RALGPS1: variants seen among roughly 807,000 people sequenced by gnomAD.
The protein encoded by RALGPS1 is ras-specific guanine nucleotide-releasing factor RalGPS1.
In RALGPS1, 19 loss-of-function variants were observed where a neutral mutation model predicts 78.8. That is an observed-to-expected ratio of 0.24 (90% confidence interval 0.17 to 0.35). The LOEUF (loss-of-function observed/expected upper bound fraction) is 0.35, where lower values mean the gene tolerates loss of function less well. Ranked by LOEUF, RALGPS1 falls within the 10% of genes least tolerant of loss-of-function variation. The pLI, the probability that RALGPS1 is intolerant of heterozygous loss-of-function variation, is 1.00. For synonymous variants in RALGPS1, 228 were observed against 256.3 expected (o/e 0.89, Z 1.06); for missense variants, 454 against 688.3 (o/e 0.66, Z 3.81).
intron 4 of RALGPS1, among the ~76,000 whole-genome samples, chr9:126,997,914 T>C (rs915555596): frequency 6.6e-6 from 1 of 152,166 alleles, no homozygotes; most frequent in Non-Finnish European, 1.5e-5. Flanking sequence ...AAACAAGCAA[T>C]GGGGAAAGGA....
chr9:126,980,594 A>G (rs1156674322), intron 4 of RALGPS1, among the ~76,000 whole-genome samples: 4 of 152,136 alleles, frequency 2.6e-5, no homozygotes, highest in South Asian at 4.1e-4. Context: ...TCTAATTTCT[A>G]ATTTTCTTAT....
At chr9:127,200,147 T>C (rs1217639642) in intron 14 of RALGPS1, among the ~76,000 whole-genome samples, 1 of 152,122 alleles carries the variant, frequency 6.6e-6, no homozygotes, top group African/African-American at 2.4e-5. Context: ...AACACTCATA[T>C]GCATACACGC....
At chr9:127,196,958 ACAGT>A (rs925093420) in intron 13 of RALGPS1, among the ~76,000 whole-genome samples, 18 of 152,252 alleles carry the variant, frequency 1.2e-4, no homozygotes, top group African/African-American at 4.3e-4. Context: ...AGACTGGACC[ACAGT>A]CAGGCTTCTG....
At chr9:126,927,888 T>C (rs1240714410) in intron 1 of RALGPS1, among the ~76,000 whole-genome samples, 3 of 152,050 alleles carry the variant, frequency 2.0e-5, no homozygotes, top group Admixed American at 2.0e-4. Context: ...ACGCGATGCG[T>C]GGGTAGGTAT....
chr9:126,973,277 A>C (rs2040292900), intron 3 of RALGPS1, among the ~76,000 whole-genome samples: 1 of 152,138 alleles, frequency 6.6e-6, no homozygotes, highest in Non-Finnish European at 1.5e-5. Context: ...CTGAGGCAGG[A>C]GGGATCACTT....
chr9:127,168,942 G>T (rs545085745), intron 10 of RALGPS1, among the ~76,000 whole-genome samples, 170 bp downstream of exon 10: 1 of 152,208 alleles, frequency 6.6e-6, no homozygotes, highest in Non-Finnish European at 1.5e-5. Context: ...AAGCACACGC[G>T]TGCAGTGTGA....
At chr9:127,037,825 T>G (rs527591186) in intron 5 of RALGPS1, among the ~76,000 whole-genome samples, 3 of 152,374 alleles carry the variant, frequency 2.0e-5, no homozygotes, top group Non-Finnish European at 4.4e-5. Flanking sequence ...ATCTTGTTTG[T>G]TATGATCTAA....
intron 11 of RALGPS1, among the ~76,000 whole-genome samples, chr9:127,180,637 C>T (rs77970906): frequency 0.049 from 7,448 of 152,278 alleles, 590 homozygotes; most frequent in African/African-American, 0.17. Context: ...GCCTCCCAGG[C>T]GGGCTCTGGT....
At chr9:127,188,825 T>A (rs2140361196) in intron 11 of RALGPS1, among the ~76,000 whole-genome samples, 1 of 42,444 alleles carries the variant, frequency 2.4e-5, no homozygotes, top group Non-Finnish European at 5.0e-5. Context: ...AGAAACCCCA[T>A]CTCTACTAAA....
intron 4 of RALGPS1, among the ~76,000 whole-genome samples, chr9:126,998,353 A>G (rs1241888185): frequency 1.2e-4 from 19 of 152,154 alleles, no homozygotes; most frequent in Admixed American, 3.3e-4. Flanking sequence ...AAAAGTGGGC[A>G]AAGGATATGA....
intron 1 of RALGPS1, among the ~76,000 whole-genome samples, chr9:126,960,197 TTCCCTCCC>T (rs1229964923): frequency 2.4e-5 from 1 of 42,140 alleles, no homozygotes. Context: ...CCTCCCTTCC[TTCCCTCCC>T]TCCCTCCCTC....
chr9:127,069,317 A>G lies in RALGPS1; in HGVS notation c.571A>G (p.Ile191Val). Residue 191 changes from isoleucine to valine, a missense_variant, in exon 8 of 19, where the codon ATC becomes GTC. Coordinates refer to ENST00000259351, the MANE Select transcript of RALGPS1 (RefSeq NM_014636.3). ...TAATTACAAGCGGACACGGGAATAT[A>G]TCCGAAGCCTGAAGATGGTTCCAAG... ...EDNYKRTREY[I>V]RSLKMVPSIP... 6.2e-7 allele frequency: 1 copy of G among 1,614,102 alleles called. No individual in the cohort carries two copies. The highest frequency in any genetic ancestry group is 8.5e-7 in the Non-Finnish European group (1 of 1,179,920).
chr9:127,045,311 C>G (rs1035936194), intron 5 of RALGPS1, among the ~76,000 whole-genome samples: 2 of 152,182 alleles, frequency 1.3e-5, no homozygotes, highest in African/African-American at 4.8e-5. Context: ...TATGAACAAC[C>G]TCACTGAGGA....
At chr9:127,104,102 C>T (rs578137873) in intron 8 of RALGPS1, among the ~76,000 whole-genome samples, 1 of 152,288 alleles carries the variant, frequency 6.6e-6, no homozygotes, top group South Asian at 2.1e-4. Context: ...CTAATAGTTC[C>T]AGTATTTCAT....
chr9:127,212,886 C>T lies in RALGPS1; in HGVS notation c.1447-58C>T, dbSNP rs1382127719. The T allele has an allele frequency of 1.2e-6, 2 of 1,611,944 alleles. No individual in the cohort carries two copies. Among genetic ancestry groups the T allele is most frequent in the Middle Eastern group, 1.7e-4 (1 of 5,990 alleles). On this transcript the variant is annotated intron_variant, in intron 16 of 18. Coordinates refer to ENST00000259351, the MANE Select transcript of RALGPS1 (RefSeq NM_014636.3). This position sits in a 1 kb window ranked among gnomAD's most constrained non-coding sequence, Gnocchi z 6.0. Reference sequence around the variant, plus strand: ...AGCCTTGCCTGGCCCACGTCGGCCTCCCTTGTGGAGTGGAGGGCTGGGCCC... The same window carrying T: ...AGCCTTGCCTGGCCCACGTCGGCCTTCCTTGTGGAGTGGAGGGCTGGGCCC...
chr9:127,104,946 C>T (rs2054075905), intron 8 of RALGPS1, among the ~76,000 whole-genome samples: 1 of 152,200 alleles, frequency 6.6e-6, no homozygotes, highest in Non-Finnish European at 1.5e-5. Flanking sequence ...TCTGAACAGA[C>T]CTGATAAGAA....
intron 8 of RALGPS1, among the ~76,000 whole-genome samples, chr9:127,161,260 A>G (rs753679480): frequency 3.3e-5 from 5 of 152,162 alleles, no homozygotes; most frequent in Non-Finnish European, 5.9e-5. Context: ...CATTCCTCCC[A>G]TGCTGCTGCT....
intron 5 of RALGPS1, among the ~76,000 whole-genome samples, 166 bp downstream of exon 5, chr9:127,034,680 A>G (rs1308408118): frequency 6.6e-6 from 1 of 151,970 alleles, no homozygotes; most frequent in Non-Finnish European, 1.5e-5. Context: ...ATTATAGTCC[A>G]TTTTCACAGA....
intron 8 of RALGPS1, among the ~76,000 whole-genome samples, chr9:127,146,128 G>A (rs954012741): frequency 2.0e-4 from 30 of 152,062 alleles, no homozygotes; most frequent in African/African-American, 7.0e-4. Flanking sequence ...TTGTTACACG[G>A]GAATATTGCA....
Sources: gnomAD v4.1 joint callset for allele counts (sites outside exome capture counted in the v4.1 genomes callset) on GRCh38, gnomAD v4.1.1 for gene constraint, Gnocchi (gnomAD v3.1) non-coding constraint, MANE v1.5 for transcripts, NCBI Gene and HGNC (gene_info 2026-07-23, HGNC 2026-07-21) for gene names.